ZFHX3: variants seen among roughly 807,000 people sequenced by gnomAD.
ZFHX3 encodes the protein zinc finger homeobox protein 3.
In ZFHX3, 42 loss-of-function variants were observed where a neutral mutation model predicts 279.1. The ratio of observed to expected loss-of-function variants is 0.15; its 90% CI spans 0.12 to 0.19. The LOEUF (loss-of-function observed/expected upper bound fraction) is 0.19, where lower values mean the gene tolerates loss of function less well. ZFHX3 is among the 10% of genes least tolerant of loss of function. The probability of loss-of-function intolerance (pLI) is 1.00; values close to 1 mark genes in which losing one functional copy is unlikely to be tolerated. For synonymous variants in ZFHX3, 2,293 were observed against 1,957.8 expected (o/e 1.17, Z -4.52); for missense variants, 4,981 against 4,754.0 (o/e 1.05, Z -1.40).
intron 6 of ZFHX3, among the ~76,000 whole-genome samples, chr16:73,138,555 G>C (rs562871941): frequency 2.0e-5 from 3 of 152,052 alleles, no homozygotes; most frequent in African/African-American, 7.2e-5. Flanking sequence ...TAACCCCAGG[G>C]ATATAAAAAT....
chr16:73,267,382 T>A (rs1227242946), intron 4 of ZFHX3, among the ~76,000 whole-genome samples: 1 of 151,920 alleles, frequency 6.6e-6, no homozygotes, highest in Non-Finnish European at 1.5e-5. Context: ...AACAGCTAGG[T>A]TTCAGCGGGG....
chr16:72,892,472 T>C (rs1017555106), intron 3 of ZFHX3, among the ~76,000 whole-genome samples: 3 of 151,950 alleles, frequency 2.0e-5, no homozygotes, highest in African/African-American at 4.8e-5. Context: ...TTTCTGGAGA[T>C]AAATTTGAGC....
intron 2 of ZFHX3, among the ~76,000 whole-genome samples, chr16:72,956,455 A>T (rs58197076): frequency 0.06 from 9,132 of 152,252 alleles, 453 homozygotes; most frequent in African/African-American, 0.12. Flanking sequence ...GTTCTCATGA[A>T]ACCCATCTGT....
chr16:73,305,798 A>G (rs1388172896), intron 4 of ZFHX3, among the ~76,000 whole-genome samples: 1 of 152,174 alleles, frequency 6.6e-6, no homozygotes, highest in Non-Finnish European at 1.5e-5. Context: ...TTAACATCTC[A>G]TGATGGTAGA....
intron 5 of ZFHX3, among the ~76,000 whole-genome samples, chr16:73,243,880 C>A (rs2144947019): frequency 6.6e-6 from 1 of 152,240 alleles, no homozygotes; most frequent in East Asian, 1.9e-4. Flanking sequence ...TAAATGTTTT[C>A]TAAGAAGCTG....
intron 7 of ZFHX3, among the ~76,000 whole-genome samples, chr16:73,114,096 A>ATT (rs199589126): frequency 6.7e-6 from 1 of 149,458 alleles, no homozygotes; most frequent in African/African-American, 2.5e-5. Context: ...GTGCCCGGCC[A>ATT]TTTTTTTTTA....
chr16:73,253,159 G>A (rs74030011), intron 5 of ZFHX3, among the ~76,000 whole-genome samples: 1,603 of 152,292 alleles, frequency 0.011, 26 homozygotes, highest in African/African-American at 0.033. Flanking sequence ...TTTGCTCAAG[G>A]ACTCCTCCGT....
chr16:73,514,922 C>G (rs953003452), intron 2 of ZFHX3, among the ~76,000 whole-genome samples: 4 of 152,180 alleles, frequency 2.6e-5, no homozygotes, highest in South Asian at 2.1e-4. Context: ...CTCTCTCCCC[C>G]ACATATGCGG....
chr16:72,893,393 T>A (rs894950255), intron 3 of ZFHX3, among the ~76,000 whole-genome samples: 28 of 152,036 alleles, frequency 1.8e-4, no homozygotes, highest in African/African-American at 5.1e-4. Context: ...ATGGCTGGAG[T>A]CTTCAATCTC....
chr16:73,695,587 G>C (rs2053190470), intron 1 of ZFHX3, among the ~76,000 whole-genome samples: 1 of 152,168 alleles, frequency 6.6e-6, no homozygotes, highest in Non-Finnish European at 1.5e-5. Flanking sequence ...GAAAAGAACA[G>C]GGAGAAAAGG....
At chr16:73,026,321 C>T (rs981725156) in intron 1 of ZFHX3, among the ~76,000 whole-genome samples, 16 of 149,678 alleles carry the variant, frequency 1.1e-4, no homozygotes, top group Admixed American at 4.0e-4. Context: ...TGCAGTGAGC[C>T]GAGATCACAC....
At chr16:73,238,625 C>G (rs1393724180) in intron 5 of ZFHX3, among the ~76,000 whole-genome samples, 1 of 152,164 alleles carries the variant, frequency 6.6e-6, no homozygotes, top group African/African-American at 2.4e-5. Flanking sequence ...AATTGACCTA[C>G]AGAAAGTGCA....
chr16:72,925,142 T>A (rs945877334), intron 3 of ZFHX3, among the ~76,000 whole-genome samples: 6 of 152,198 alleles, frequency 3.9e-5, no homozygotes, highest in Non-Finnish European at 8.8e-5. Flanking sequence ...AAATAACCTG[T>A]GGGGCTGGAG....
intron 5 of ZFHX3, among the ~76,000 whole-genome samples, chr16:73,160,635 T>A (rs1005620041): frequency 2.6e-5 from 4 of 152,152 alleles, no homozygotes; most frequent in African/African-American, 9.7e-5. Flanking sequence ...TCACATTCCT[T>A]AATTGCTTGG....
chr16:72,787,551 AGAGT>A lies in ZFHX3; in HGVS notation c.10721_10724del (p.His3574LeufsTer119). ...CGGTGCTAGGATCGGGGAAGCAGGC[AGAGT>A]GAGGTAATAAACTAGGGTGCTCTTT... On this transcript the variant is annotated frameshift_variant, in exon 10 of 10. Transcript: ENST00000268489. LOFTEE classifies it high-confidence loss of function. 6.2e-7 allele frequency: 1 copy of A among 1,614,022 alleles called. No individual in the cohort carries two copies. Among genetic ancestry groups the A allele is most frequent in the Non-Finnish European group, 8.5e-7 (1 of 1,179,962 alleles).
chr16:72,922,684 T>A (rs7404382), intron 3 of ZFHX3, among the ~76,000 whole-genome samples: 152,138 of 152,328 alleles, frequency 1, 75,978 homozygotes, highest in Non-Finnish European at 1. Context: ...CTTTCTTCCT[T>A]TGAAATTGCC....
At chr16:73,171,506 G>A (rs1300081541) in intron 5 of ZFHX3, among the ~76,000 whole-genome samples, 1 of 129,446 alleles carries the variant, frequency 7.7e-6, no homozygotes, top group Admixed American at 7.9e-5. Flanking sequence ...GGGGGGCGGG[G>A]TGGGGGGCGG....
intron 3 of ZFHX3, among the ~76,000 whole-genome samples, chr16:73,442,374 T>C (rs75666445): frequency 6.6e-6 from 1 of 151,932 alleles, no homozygotes; most frequent in South Asian, 2.1e-4. Context: ...TTTTTTTTTT[T>C]CTGAGACAGG....
chr16:73,156,737 A>C (rs1263649184), intron 5 of ZFHX3, among the ~76,000 whole-genome samples: 5 of 149,234 alleles, frequency 3.4e-5, no homozygotes, highest in African/African-American at 1.2e-4. Flanking sequence ...TTTTTTTTTG[A>C]AGAGTCTAGC....
Sources: gnomAD v4.1 joint callset for allele counts (sites outside exome capture counted in the v4.1 genomes callset) on GRCh38, gnomAD v4.1.1 for gene constraint, MANE v1.5 for transcripts, NCBI Gene and HGNC (gene_info 2026-07-23, HGNC 2026-07-21) for gene names.